CCBE1: variants seen among roughly 807,000 people sequenced by gnomAD.
The protein encoded by CCBE1 is collagen and calcium-binding EGF domain-containing protein 1.
In CCBE1, 37 loss-of-function variants were observed where a neutral mutation model predicts 50.0. The observed-to-expected ratio is 0.74, with a 90% confidence interval of 0.57 to 0.97. The LOEUF (loss-of-function observed/expected upper bound fraction) is 0.97, where lower values mean the gene tolerates loss of function less well. CCBE1 is among the 50% of genes least tolerant of loss of function. The pLI is 0.00. For missense variants in CCBE1, 538 were observed against 523.8 expected (o/e 1.03, Z -0.26); for synonymous variants, 234 against 203.7 (o/e 1.15, Z -1.27).
At chr18:59,561,365 G>T (rs1241400602) in intron 2 of CCBE1, among the ~76,000 whole-genome samples, 3 of 152,182 alleles carry the variant, frequency 2.0e-5, no homozygotes, top group Non-Finnish European at 4.4e-5. Flanking sequence ...TATCAAACCT[G>T]TGTGTCCAAA....
chr18:59,526,376 C>T (rs1369977913), intron 2 of CCBE1, among the ~76,000 whole-genome samples: 1 of 149,640 alleles, frequency 6.7e-6, no homozygotes, highest in African/African-American at 2.5e-5. Flanking sequence ...GTGGCACCAT[C>T]TCGGCTCACT....
chr18:59,458,834 C>T (rs10469221), intron 5 of CCBE1, among the ~76,000 whole-genome samples: 133,630 of 152,258 alleles, frequency 0.88, 58,966 homozygotes, highest in Middle Eastern at 0.94. Context: ...CTTTGTGGAA[C>T]TGTCAGAACA....
chr18:59,621,354 C>T (rs989048446), intron 2 of CCBE1, among the ~76,000 whole-genome samples: 1 of 152,210 alleles, frequency 6.6e-6, no homozygotes, highest in Non-Finnish European at 1.5e-5. Context: ...ACTAATCACA[C>T]TCATCTTTCT....
chr18:59,586,044 CTT>C (rs2053173455), intron 2 of CCBE1, among the ~76,000 whole-genome samples: 1 of 152,164 alleles, frequency 6.6e-6, no homozygotes, highest in African/African-American at 2.4e-5. Context: ...AGTAATTTCA[CTT>C]TTAATTTGAT....
chr18:59,649,587 C>A (rs1400916211), intron 2 of CCBE1, among the ~76,000 whole-genome samples: 6 of 152,184 alleles, frequency 3.9e-5, no homozygotes, highest in Non-Finnish European at 7.3e-5. Flanking sequence ...AGGCAAGGAC[C>A]CTCTGCCTAC....
chr18:59,475,021 GC>G (rs1344018711), intron 3 of CCBE1, among the ~76,000 whole-genome samples: 1 of 152,026 alleles, frequency 6.6e-6, no homozygotes, highest in Non-Finnish European at 1.5e-5. Context: ...CTCCTGCCCT[GC>G]CCATTTTGTG....
intron 2 of CCBE1, among the ~76,000 whole-genome samples, chr18:59,529,110 C>T (rs769030740): frequency 1.3e-5 from 2 of 152,232 alleles, no homozygotes; most frequent in East Asian, 1.9e-4. Context: ...GCTGTTCCTT[C>T]GCCCAGGGGC....
intron 2 of CCBE1, among the ~76,000 whole-genome samples, chr18:59,647,170 T>C (rs1257540799): frequency 6.6e-6 from 1 of 152,200 alleles, no homozygotes; most frequent in Non-Finnish European, 1.5e-5. Context: ...CATTTCTGAC[T>C]AAAAATACCC....
chr18:59,692,470 A>G (rs1043077888), intron 2 of CCBE1, among the ~76,000 whole-genome samples: 5 of 152,132 alleles, frequency 3.3e-5, no homozygotes, highest in African/African-American at 1.2e-4. Flanking sequence ...ATGTGTTTTG[A>G]CATTATCGAA....
intron 2 of CCBE1, among the ~76,000 whole-genome samples, chr18:59,597,538 G>A (rs1213315384): frequency 6.7e-6 from 1 of 149,346 alleles, no homozygotes; most frequent in East Asian, 2.0e-4. Context: ...TTGAGGGTGG[G>A]AGGAGAAAAT....
chr18:59,564,062 T>A (rs939885214), intron 2 of CCBE1: 2 of 152,202 alleles, frequency 1.3e-5, no homozygotes, highest in Non-Finnish European at 2.9e-5. Flanking sequence ...AAACCTGAGA[T>A]GGTGAGACAT....
intron 2 of CCBE1, among the ~76,000 whole-genome samples, chr18:59,678,778 C>T (rs1032956866): frequency 6.6e-6 from 1 of 152,260 alleles, no homozygotes. Context: ...AGTGATCCAC[C>T]CACTTTGATC....
At chr18:59,461,345 C>T (rs1438903686) in intron 5 of CCBE1, among the ~76,000 whole-genome samples, 1 of 151,172 alleles carries the variant, frequency 6.6e-6, no homozygotes, top group Non-Finnish European at 1.5e-5. Flanking sequence ...CCAGCCCCCA[C>T]CTTCCCAGCA....
chr18:59,655,893 G>A (rs920409338), intron 2 of CCBE1, among the ~76,000 whole-genome samples: 4 of 152,298 alleles, frequency 2.6e-5, no homozygotes, highest in Admixed American at 2.6e-4. Flanking sequence ...CCACCACTGG[G>A]AAAGCAGACA....
intron 2 of CCBE1, among the ~76,000 whole-genome samples, chr18:59,675,071 C>G (rs2054481579): frequency 6.6e-6 from 1 of 151,962 alleles, no homozygotes; most frequent in African/African-American, 2.4e-5. Flanking sequence ...AACATTGAAA[C>G]AGGATGGATA....
At chr18:59,597,588 G>A (rs1190980919) in intron 2 of CCBE1, among the ~76,000 whole-genome samples, 1 of 152,170 alleles carries the variant, frequency 6.6e-6, no homozygotes, top group African/African-American at 2.4e-5. Flanking sequence ...GAAGAAAGGT[G>A]AGTTGGTTAA....
At chr18:59,657,320 G>A (rs1214583575) in intron 2 of CCBE1, among the ~76,000 whole-genome samples, 1 of 152,158 alleles carries the variant, frequency 6.6e-6, no homozygotes, top group African/African-American at 2.4e-5. Context: ...AACAGCCAGG[G>A]AATGCCAAGG....
At chr18:59,569,622 C>T (rs959519517) in intron 2 of CCBE1, among the ~76,000 whole-genome samples, 17 of 130,950 alleles carry the variant, frequency 1.3e-4, no homozygotes, top group Non-Finnish European at 2.5e-4. Context: ...CAATTCATCT[C>T]CCCCCGCCCT....
chr18:59,469,946 A>G (rs1911949896), intron 3 of CCBE1, among the ~76,000 whole-genome samples: 1 of 152,056 alleles, frequency 6.6e-6, no homozygotes, highest in South Asian at 2.1e-4. Context: ...TTGTTCATCA[A>G]CTGCTGTAGA....
Sources: gnomAD v4.1 joint callset for allele counts (sites outside exome capture counted in the v4.1 genomes callset) on GRCh38, gnomAD v4.1.1 for gene constraint, MANE v1.5 for transcripts, NCBI Gene and HGNC (gene_info 2026-07-23, HGNC 2026-07-21) for gene names.